Variants in ITSN2 observed in about 807,000 individuals in gnomAD.
The protein encoded by ITSN2 is intersectin-2.
ITSN2 carries 156 observed loss-of-function variants against 243.7 expected under a neutral mutation model. That is an observed-to-expected ratio of 0.64 (90% CI 0.56 to 0.73). ITSN2 has a LOEUF of 0.73. ITSN2 is among the 30% of genes least tolerant of loss of function. The pLI is 0.00. For missense variants in ITSN2, 1,801 were observed against 1,996.1 expected, an observed-to-expected ratio of 0.90 and a Z score of 1.86; for synonymous variants, 703 against 699.9, an observed-to-expected ratio of 1.00 and a Z score of -0.07.
At chr2:24,313,332 CCCAAA>C in intron 4 of ITSN2, 123 bp downstream of exon 4, 2 of 674,004 alleles carry the variant, frequency 3.0e-6, no homozygotes, top group Non-Finnish European at 4.9e-6. Context: ...ACCTCAGACT[CCCAAA>C]GTGCTGGCAG....
At chr2:24,359,325 C>A (rs1305235623) in intron 1 of ITSN2, among the ~76,000 whole-genome samples, 1 of 152,208 alleles carries the variant, frequency 6.6e-6, no homozygotes, top group East Asian at 1.9e-4. Context: ...CGTAAAATTT[C>A]AAGTCACACC....
Position 24,308,738 on chromosome 2 carries a change from A to C in ITSN2, c.672T>G (p.Ala224=). Residue 224 remains alanine, a synonymous_variant, in exon 8 of 40, where the codon GCT becomes GCG. Coordinates refer to ENST00000355123, the MANE Select transcript of ITSN2 (RefSeq NM_006277.3). ...LGSSSSTSST[A]SLSGNSPKTG... is the part of the protein sequence containing the mutation. ...TCTTGGGTGAGTTCCCTGAGAGTGA[A>C]GCAGTCGAGGAAGTTGAGCTATAAA... The C allele has an allele frequency of 5.5e-6, 8 of 1,459,334 alleles. No homozygotes were observed. Among genetic ancestry groups the C allele is most frequent in the Non-Finnish European group, 6.4e-6 (7 of 1,099,430 alleles). The allele number at this position is 1,459,334 out of a possible 1,614,324, so 90.4% of individuals were successfully genotyped here. A position where few individuals can be genotyped will look rare whatever the true frequency, so the allele number is the denominator to read the frequency against.
At chr2:24,264,901 T>C (rs1676466393) in intron 20 of ITSN2, among the ~76,000 whole-genome samples, 3 of 151,802 alleles carry the variant, frequency 2.0e-5, no homozygotes, top group Non-Finnish European at 4.4e-5. Flanking sequence ...TTGAATCATC[T>C]CGTCATTTGC....
intron 2 of ITSN2, among the ~76,000 whole-genome samples, chr2:24,320,343 C>T (rs908101194): frequency 1.3e-4 from 19 of 150,952 alleles, no homozygotes; most frequent in African/African-American, 4.1e-4. Context: ...CAAGGTGAAA[C>T]CCCGTCTCTA....
chr2:24,244,335 G>A (rs1450498627), intron 29 of ITSN2, among the ~76,000 whole-genome samples: 1 of 152,148 alleles, frequency 6.6e-6, no homozygotes, highest in Admixed American at 6.5e-5. Flanking sequence ...GAAACTGAAA[G>A]GACCTTCATA....
chr2:24,275,840 C>T lies in ITSN2; in HGVS notation c.1954G>A (p.Glu652Lys), dbSNP rs762239685. 10 of 1,601,520 alleles carry T rather than the reference C, an allele frequency of 6.2e-6. No homozygotes were observed. The highest frequency in any genetic ancestry group is 1.7e-6 in the Non-Finnish European group (2 of 1,174,544). Residue 652 changes from glutamate (E) to lysine (K), a missense_variant, in exon 18 of 40, where the codon GAA becomes AAA. Glu to Lys is a moderately conservative substitution (Grantham distance 56). Coordinates refer to ENST00000355123, the MANE Select transcript of ITSN2 (RefSeq NM_006277.3). ...NLFLLLKELR[E>K]TYNTQQLALE... Reference sequence around the variant, plus strand: ...GCTAACTGCTGTGTGTTGTAGGTTTCTCTCAGTTCCTAAGGAGAAAAAGAA... The same window carrying T: ...GCTAACTGCTGTGTGTTGTAGGTTTTTCTCAGTTCCTAAGGAGAAAAAGAA...
intron 29 of ITSN2, among the ~76,000 whole-genome samples, chr2:24,223,947 G>A (rs1197488600): frequency 6.6e-6 from 1 of 152,102 alleles, no homozygotes; most frequent in Admixed American, 6.5e-5. Flanking sequence ...AAATTGTTAC[G>A]CTTTTAGGGA....
chr2:24,356,226 G>T (rs1412932640), intron 1 of ITSN2, among the ~76,000 whole-genome samples: 6 of 147,558 alleles, frequency 4.1e-5, no homozygotes, highest in African/African-American at 1.3e-4. Context: ...ATAGCTGGAC[G>T]TGGTGGCACA....
intron 1 of ITSN2, among the ~76,000 whole-genome samples, chr2:24,353,239 T>C (rs1688175576): frequency 6.6e-6 from 1 of 152,058 alleles, no homozygotes; most frequent in African/African-American, 2.4e-5. Flanking sequence ...CTCAAATAAA[T>C]AATCTACGAA....
rs1682127322 is a variant in ITSN2 at position 24,303,854 on chromosome 2, C to T, written c.802G>A (p.Ala268Thr). Reference sequence around the variant, plus strand: ...TTTGACTGAAGAAGGGCATTTCTAGCTTGAAAACCTGATTAAGTGGGGAAA... The same window carrying T: ...TTTGACTGAAGAAGGGCATTTCTAGTTTGAAAACCTGATTAAGTGGGGAAA... ...SMSGYLSGFQ[A>T]RNALLQSNLS... The change falls in exon 9 of 40, where the codon GCT becomes ACT. Residue 268 changes from alanine (A) to threonine (T), a missense_variant. Around this residue, in one of 5 missense-constraint regions of ITSN2, gnomAD observed 787 missense variants for 803.9 expected, o/e 0.98. Transcript: ENST00000355123. 1 of 1,606,046 alleles carries T rather than the reference C, an allele frequency of 6.2e-7. No individual in the cohort carries two copies. The highest frequency in any genetic ancestry group is 1.3e-5 in the African/African-American group (1 of 74,860).
intron 1 of ITSN2, among the ~76,000 whole-genome samples, chr2:24,348,302 G>A (rs766218002): frequency 6.7e-6 from 1 of 148,464 alleles, no homozygotes; most frequent in African/African-American, 2.5e-5. Context: ...AGCCTCCCAA[G>A]TAGCTGGGAT....
At chr2:24,262,724 G>A (rs922047103) in intron 20 of ITSN2, among the ~76,000 whole-genome samples, 2 of 152,100 alleles carry the variant, frequency 1.3e-5, no homozygotes, top group African/African-American at 2.4e-5. Context: ...ACTTCTTCCC[G>A]AAGCAACATG....
chr2:24,215,389 G>A lies in ITSN2; in HGVS notation c.3990+660C>T, dbSNP rs527335821. ...TATTTGAGTAAGCTATTTTAGGGCC[G>A]GGCACGGTGGCTTACACCTGTAATC... On this transcript the variant is annotated intron_variant, in intron 32 of 39. Coordinates refer to ENST00000355123, the MANE Select transcript of ITSN2 (RefSeq NM_006277.3). Among the ~76,000 whole-genome samples the A allele has an allele frequency of 5.9e-5, 9 of 152,074 alleles. No homozygotes were observed. In the East Asian group the frequency reaches 7.7e-4, roughly 13 times the overall value.
chr2:24,308,246 AGAG>A (rs1682806201), intron 8 of ITSN2, among the ~76,000 whole-genome samples: 1 of 152,246 alleles, frequency 6.6e-6, no homozygotes, highest in Non-Finnish European at 1.5e-5. Flanking sequence ...AGCCCAATGC[AGAG>A]GAGGATTCTC....
At position 24,209,883 on chromosome 2, in the gene ITSN2, C is replaced by T; in HGVS notation, c.4408G>A (p.Val1470Ile). Reference sequence around the variant, plus strand: ...AAAAGTTTCTCAGAGCCAGAGGAAACAGCAAACTGCTTGACCATGTAGGTA... The same window carrying T: ...AAAAGTTTCTCAGAGCCAGAGGAAATAGCAAACTGCTTGACCATGTAGGTA... ...LLTYMVKQFAVSSGSEKLFSS... is the reference protein window; with the variant it reads ...LLTYMVKQFAISSGSEKLFSS... Residue 1470 changes from valine to isoleucine, a missense_variant, in exon 35 of 40, where the codon GTT becomes ATT. By Grantham distance (29) the Val-to-Ile change is conservative. Transcript: ENST00000355123. 6.2e-7 allele frequency: 1 copy of T among 1,614,196 alleles called. No homozygotes were observed. The highest frequency in any genetic ancestry group is 1.1e-5 in the South Asian group (1 of 91,074).
intron 30 of ITSN2, 181 bp downstream of exon 30, chr2:24,220,764 A>G: frequency 1.4e-6 from 2 of 1,407,064 alleles, no homozygotes; most frequent in South Asian, 1.8e-5. Flanking sequence ...CTCAAGCATT[A>G]TCCGGCAGGC....
At chr2:24,301,351 G>C (rs1681708043) in intron 10 of ITSN2, 112 bp from the exon 11 acceptor site, 1 of 557,244 alleles carries the variant, frequency 1.8e-6, no homozygotes, top group East Asian at 2.8e-5. Flanking sequence ...CAGTATTAAA[G>C]ATATTTAAAA....
chr2:24,212,586 C>T (rs911644950), intron 33 of ITSN2, 64 bp downstream of exon 33: 8 of 1,289,838 alleles, frequency 6.2e-6, no homozygotes, highest in African/African-American at 1.5e-5. Context: ...GAGGATCTGG[C>T]CTCTGTGGAC....
In ITSN2 at chr2:24,225,739, T is replaced by C. The variant is rs1215623548; in HGVS notation, c.3578-4673A>G. On this transcript the variant is annotated intron_variant, in intron 29 of 39. Coordinates refer to ENST00000355123, the MANE Select transcript of ITSN2 (RefSeq NM_006277.3). The surrounding 1 kb of genome is among the most constrained non-coding windows in gnomAD (Gnocchi z 4.2). ...TCACTCGCAGGGCCCCAGTGCACATTAGCCTATTAGGCAGTGAGAAACTCT... is the reference window on the plus strand; with the variant it reads ...TCACTCGCAGGGCCCCAGTGCACATCAGCCTATTAGGCAGTGAGAAACTCT... 6.6e-6 allele frequency among the ~76,000 whole-genome samples: 1 copy of C among 152,144 alleles called. No individual in the cohort carries two copies. Among genetic ancestry groups the C allele is most frequent in the Non-Finnish European group, 1.5e-5 (1 of 68,018 alleles).
Sources: allele counts gnomAD v4.1 joint callset (sites outside exome capture counted in the v4.1 genomes callset), GRCh38; gene constraint gnomAD v4.1.1; regional missense constraint gnomAD v4.1.1; non-coding constraint Gnocchi (gnomAD v3.1); transcripts MANE v1.5; gene names NCBI Gene and HGNC (gene_info 2026-07-23, HGNC 2026-07-21).